The following ALDH9A1 variants were observed in gnomAD, a reference collection of about 807,000 sequenced individuals.
The protein encoded by ALDH9A1 is 4-trimethylaminobutyraldehyde dehydrogenase.
ALDH9A1 carries 42 observed loss-of-function variants against 56.6 expected under a neutral mutation model. The observed-to-expected ratio is 0.74, with a 90% CI of 0.58 to 0.96. ALDH9A1 has a LOEUF of 0.96. Ranked by LOEUF, ALDH9A1 falls within the 40% of genes least tolerant of loss-of-function variation. ALDH9A1 has a pLI of 0.00. For synonymous variants in ALDH9A1, 242 were observed against 236.0 expected, an observed-to-expected ratio of 1.03 and a Z score of -0.23; for missense variants, 661 against 651.5, an observed-to-expected ratio of 1.01 and a Z score of -0.16.
chr1:165,686,063 T>C (rs577256686), intron 2 of ALDH9A1, among the ~76,000 whole-genome samples: 93 of 152,268 alleles, frequency 6.1e-4, no homozygotes, highest in African/African-American at 2.2e-3. Context: ...AAAAAAATGT[T>C]CATTTCCACT....
At chr1:165,670,858 G>A (rs945927409) in intron 6 of ALDH9A1, among the ~76,000 whole-genome samples, 1 of 152,178 alleles carries the variant, frequency 6.6e-6, no homozygotes, top group South Asian at 2.1e-4. Flanking sequence ...GATCACTAGA[G>A]GTCAGTAGTT....
intron 2 of ALDH9A1, among the ~76,000 whole-genome samples, chr1:165,684,240 T>A (rs930415692): frequency 5.3e-5 from 8 of 152,218 alleles, no homozygotes; most frequent in African/African-American, 1.9e-4. Context: ...GAAAAGAGTA[T>A]CAGTCCTGTC....
chr1:165,689,634 T>C (rs1649822228), intron 2 of ALDH9A1, among the ~76,000 whole-genome samples: 1 of 152,112 alleles, frequency 6.6e-6, no homozygotes, highest in Non-Finnish European at 1.5e-5. Context: ...GACCGGTGCT[T>C]TGAAAACAAA....
chr1:165,695,100 C>T, intron 2 of ALDH9A1, 152 bp downstream of exon 2: 1 of 786,608 alleles, frequency 1.3e-6, no homozygotes, highest in Non-Finnish European at 1.8e-6. Context: ...TGAACAAAAA[C>T]TTGTTTTATA....
At chr1:165,668,307 G>C (rs964720356) in intron 8 of ALDH9A1, among the ~76,000 whole-genome samples, 1 of 152,158 alleles carries the variant, frequency 6.6e-6, no homozygotes, top group Non-Finnish European at 1.5e-5. Context: ...TGAACGGTTT[G>C]ATGTCCTCCC....
At chr1:165,674,901 A>ATGGTGGCTCATGCCAGGCG in intron 6 of ALDH9A1, among the ~76,000 whole-genome samples, 1 of 152,252 alleles carries the variant, frequency 6.6e-6, no homozygotes, top group East Asian at 1.9e-4. Context: ...CACACTGGGC[A>ATGGTGGCTCATGCCAGGCG]TGGTGGCTCA....
intron 6 of ALDH9A1, among the ~76,000 whole-genome samples, chr1:165,673,508 T>C (rs1227842405): frequency 6.6e-6 from 1 of 152,160 alleles, no homozygotes; most frequent in Non-Finnish European, 1.5e-5. Flanking sequence ...CAGGGCCCCT[T>C]TGCAGTAACA....
chr1:165,673,878 G>C (rs1649258767), intron 6 of ALDH9A1, among the ~76,000 whole-genome samples: 1 of 152,066 alleles, frequency 6.6e-6, no homozygotes, highest in South Asian at 2.1e-4. Context: ...GTAAAATAAG[G>C]CTGGGACGTA....
At chr1:165,692,703 G>C (rs2101757648) in intron 2 of ALDH9A1, among the ~76,000 whole-genome samples, 1 of 150,684 alleles carries the variant, frequency 6.6e-6, no homozygotes, top group South Asian at 2.1e-4. Flanking sequence ...TCACAGAATT[G>C]GAAAAAACTA....
Position 165,682,238 on chromosome 1 carries a change from T to C in ALDH9A1, c.461A>G (p.Glu154Gly). Residue 154 changes from glutamate (E) to glycine (G), a missense_variant, in exon 4 of 11, where the codon GAA becomes GGA. Physicochemically the swap from Glu to Gly is moderately conservative, Grantham distance 98. Coordinates refer to ENST00000354775, the MANE Select transcript of ALDH9A1 (RefSeq NM_000696.4). The part of the protein sequence containing the change: ...YAGLAASMAG[E>G]HIQLPGGSFG... ...CGATCCACCTGGGAGCTGGATGTGT[T>C]CACCTATGGGGAAAACAGGAGTAAA... 1 of 1,613,214 alleles carries C rather than the reference T, an allele frequency of 6.2e-7. No homozygotes were observed. The highest frequency in any genetic ancestry group is 8.5e-7 in the Non-Finnish European group (1 of 1,179,734).
chr1:165,691,837 C>A (rs1649902168), intron 2 of ALDH9A1, among the ~76,000 whole-genome samples: 1 of 152,158 alleles, frequency 6.6e-6, no homozygotes. Flanking sequence ...TACTGGCAAA[C>A]AGAATCCAGT....
chr1:165,686,998 C>T (rs1020911034), intron 2 of ALDH9A1, among the ~76,000 whole-genome samples: 1 of 152,074 alleles, frequency 6.6e-6, no homozygotes, highest in Non-Finnish European at 1.5e-5. Flanking sequence ...AGGAGAGCCA[C>T]AGAACACATA....
intron 9 of ALDH9A1, among the ~76,000 whole-genome samples, chr1:165,665,858 A>G (rs1648990603): frequency 6.6e-6 from 1 of 152,158 alleles, no homozygotes; most frequent in African/African-American, 2.4e-5. Flanking sequence ...CAGTTCCTCA[A>G]AAAGTTAAAC....
Position 165,669,359 on chromosome 1 carries a change from A to G in ALDH9A1, c.1022T>C (p.Ile341Thr). Residue 341 changes from isoleucine to threonine, a missense_variant, in exon 7 of 11, where the codon ATT becomes ACT. Transcript: ENST00000354775. The part of the protein sequence containing the change: ...EVVKQTQRIK[I>T]GDPLLEDTRM... ...TGTATCTTCCAGAAGGGGATCTCCA[A>G]TTTTAATCCTTTGGGTCTGTTTCAC... 1 of 1,614,058 alleles carries G rather than the reference A, an allele frequency of 6.2e-7. No individual in the cohort carries two copies. The highest frequency in any genetic ancestry group is 8.5e-7 in the Non-Finnish European group (1 of 1,179,964).
chr1:165,698,167 T>G (rs1334546965), intron 1 of ALDH9A1: 1 of 1,305,688 alleles, frequency 7.7e-7, no homozygotes, highest in Admixed American at 4.0e-5. Context: ...ACGCAACTCA[T>G]CAGCTTTGCT....
At position 165,698,498 on chromosome 1, in the gene ALDH9A1, G is replaced by T. The variant is rs555548154; in HGVS notation, c.61C>A (p.Pro21Thr). 2 of 1,609,116 alleles carry T rather than the reference G, an allele frequency of 1.2e-6. No individual in the cohort carries two copies. Among genetic ancestry groups the T allele is most frequent in the Non-Finnish European group, 1.7e-6 (2 of 1,178,226 alleles). The change falls in exon 1 of 11, where the codon CCT (proline) becomes ACT (threonine). Residue 21 changes from proline (P) to threonine (T), a missense_variant. Physicochemically the swap from Pro to Thr is conservative, Grantham distance 38. Transcript: ENST00000354775. ...SPLLRSLRPSPVAAMSTGTFV... is the reference protein window; with the variant it reads ...SPLLRSLRPSTVAAMSTGTFV... ...GTGCCAGTGCTCATGGCGGCGACAG[G>T]AGAGGGCCGAAGACTGCGAAGAAGC... is the stretch of plus-strand genomic sequence containing the variant.
At chr1:165,664,400 TCTC>T (rs769201415) in intron 10 of ALDH9A1, among the ~76,000 whole-genome samples, 19 of 152,152 alleles carry the variant, frequency 1.2e-4, no homozygotes, top group Non-Finnish European at 2.1e-4. Flanking sequence ...CCTCAAACCT[TCTC>T]CTGATATACC....
At chr1:165,670,228 T>C (rs1649132888) in intron 6 of ALDH9A1, among the ~76,000 whole-genome samples, 1 of 151,808 alleles carries the variant, frequency 6.6e-6, no homozygotes, top group Non-Finnish European at 1.5e-5. Context: ...AGCTCAGGAG[T>C]CCAAAATCAG....
chr1:165,680,490 C>T lies in ALDH9A1; in HGVS notation c.786G>A (p.Met262Ile). 1 of 1,614,000 alleles carries T rather than the reference C, an allele frequency of 6.2e-7. No homozygotes were observed. The highest frequency in any genetic ancestry group is 8.5e-7 in the Non-Finnish European group (1 of 1,179,968). Residue 262 changes from methionine (M) to isoleucine (I), a missense_variant, in exon 5 of 11, where the codon ATG becomes ATA. Physicochemically the swap from Met to Ile is conservative, Grantham distance 10. Transcript: ENST00000354775. ...CCAATACTGGTTTTGTCCTCACCTT[C>T]ATGCCAGTGGGCACACTTCCAGTGA... is the stretch of plus-strand genomic sequence containing the variant. Reference protein sequence around the residue: ...VSFTGSVPTGMKIMEMSAKGI... With the variant: ...VSFTGSVPTGIKIMEMSAKGI...
Sources: gnomAD v4.1 joint callset for allele counts (sites outside exome capture counted in the v4.1 genomes callset) on GRCh38, gnomAD v4.1.1 for gene constraint, MANE v1.5 for transcripts, NCBI Gene and HGNC (gene_info 2026-07-23, HGNC 2026-07-21) for gene names.